TBCK: variants seen among roughly 807,000 people sequenced by gnomAD.
TBCK encodes the protein TBC1 domain containing kinase, also known as TBC domain-containing protein kinase-like protein.
A neutral mutation model predicts 113.4 loss-of-function variants in TBCK; 99 were observed. The observed-to-expected ratio is 0.87, with a 90% CI of 0.74 to 1.03. TBCK has a LOEUF of 1.03. TBCK is among the 50% of genes least tolerant of loss of function. The pLI is 0.00. For missense variants in TBCK, 1,045 were observed against 1,061.3 expected (o/e 0.98, Z 0.21); for synonymous variants, 369 against 370.8 (o/e 1.00, Z 0.05).
At chr4:106,134,899 C>T (rs1157256003) in intron 23 of TBCK, among the ~76,000 whole-genome samples, 1 of 152,168 alleles carries the variant, frequency 6.6e-6, no homozygotes, top group African/African-American at 2.4e-5. Context: ...GAGAATGATG[C>T]TGCTCTTCTA....
chr4:106,118,962 G>A (rs970828083), intron 23 of TBCK, among the ~76,000 whole-genome samples: 3 of 152,122 alleles, frequency 2.0e-5, no homozygotes, highest in South Asian at 2.1e-4. Flanking sequence ...AAGTTCTTCT[G>A]CAAATGAATT....
At chr4:106,187,146 T>C (rs199633371) in intron 22 of TBCK, among the ~76,000 whole-genome samples, 4 of 152,178 alleles carry the variant, frequency 2.6e-5, no homozygotes, top group Non-Finnish European at 4.4e-5. Flanking sequence ...TGTATCCTTG[T>C]AGTAGAGTTT....
At chr4:106,299,185 A>G (rs1316689641) in intron 2 of TBCK, among the ~76,000 whole-genome samples, 1 of 152,162 alleles carries the variant, frequency 6.6e-6, no homozygotes, top group Non-Finnish European at 1.5e-5. Context: ...CATGTAATAT[A>G]AAGATAACTG....
intron 23 of TBCK, among the ~76,000 whole-genome samples, chr4:106,148,000 T>C (rs887597501): frequency 6.6e-6 from 1 of 152,190 alleles, no homozygotes; most frequent in Non-Finnish European, 1.5e-5. Context: ...CCATCTTCTA[T>C]GGTCGAGGCT....
At chr4:106,106,512 T>A (rs1332921581) in intron 24 of TBCK, among the ~76,000 whole-genome samples, 1 of 152,098 alleles carries the variant, frequency 6.6e-6, no homozygotes, top group Non-Finnish European at 1.5e-5. Context: ...AGAAAAAAAA[T>A]CTTTAACCAA....
intron 23 of TBCK, among the ~76,000 whole-genome samples, chr4:106,130,589 TACACACACACACAC>T (rs70941237): frequency 9.3e-4 from 133 of 142,510 alleles, no homozygotes; most frequent in African/African-American, 2.7e-3. Flanking sequence ...TTGCGCTAAA[TACACACACACACAC>T]ACACACACAC....
rs893370590 is a variant in TBCK at position 106,197,536 on chromosome 4, C to CAACAA, written c.1861-2787_1861-2783dup. Among the ~76,000 whole-genome samples, 139 of 150,424 alleles carry CAACAA rather than the reference C, an allele frequency of 9.2e-4. 3 individuals are homozygous for CAACAA. The highest frequency in any genetic ancestry group is 2.9e-3 in the South Asian group (14 of 4,746). ...ATTTTTTCACTAACCAGAATGAAAA[C>CAACAA]AACAAAACAAAACAAAACAAAACAA... On this transcript the variant is annotated intron_variant, in intron 20 of 25. Coordinates refer to ENST00000394708, the MANE Select transcript of TBCK (RefSeq NM_001163435.3).
At chr4:106,215,324 C>G (rs1310241314) in intron 19 of TBCK, among the ~76,000 whole-genome samples, 2 of 151,494 alleles carry the variant, frequency 1.3e-5, no homozygotes, top group Non-Finnish European at 2.9e-5. Flanking sequence ...GCAAAATAAC[C>G]AGCTAACATC....
chr4:106,071,310 T>C (rs1283405631), intron 25 of TBCK, among the ~76,000 whole-genome samples: 1 of 152,224 alleles, frequency 6.6e-6, no homozygotes, highest in Admixed American at 6.5e-5. Flanking sequence ...TTTGTTCTCA[T>C]TGGTTTCAAA....
At chr4:106,292,157 T>C (rs937495788) in intron 3 of TBCK, among the ~76,000 whole-genome samples, 14 of 152,120 alleles carry the variant, frequency 9.2e-5, no homozygotes, top group Non-Finnish European at 1.8e-4. Context: ...TCAAAAAGGT[T>C]GCTTCTAAAT....
At chr4:106,090,226 C>T (rs908509877) in intron 25 of TBCK, among the ~76,000 whole-genome samples, 27 of 152,356 alleles carry the variant, frequency 1.8e-4, no homozygotes, top group East Asian at 1.7e-3. Flanking sequence ...CCAGGGATTA[C>T]GGCTTGCTCC....
chr4:106,095,893 A>G (rs1311325980), intron 24 of TBCK, among the ~76,000 whole-genome samples: 1 of 152,242 alleles, frequency 6.6e-6, no homozygotes, highest in African/African-American at 2.4e-5. Flanking sequence ...ATCTCTCATT[A>G]CATAAACACA....
intron 22 of TBCK, among the ~76,000 whole-genome samples, chr4:106,191,033 G>A (rs1312714155): frequency 2.6e-5 from 4 of 152,166 alleles, no homozygotes; most frequent in South Asian, 2.1e-4. Context: ...TGCATCCATG[G>A]ATTTAACCAA....
At chr4:106,210,616 G>A (rs1262578399) in intron 20 of TBCK, among the ~76,000 whole-genome samples, 1 of 151,940 alleles carries the variant, frequency 6.6e-6, no homozygotes, top group African/African-American at 2.4e-5. Context: ...TACCTTTCAC[G>A]TTATTATTTA....
intron 2 of TBCK, among the ~76,000 whole-genome samples, chr4:106,298,305 A>G (rs1766526253): frequency 6.6e-6 from 1 of 152,108 alleles, no homozygotes. Flanking sequence ...TCTCACCAGC[A>G]ATTAATATAT....
chr4:106,253,692 T>A (rs1761672203), intron 5 of TBCK, among the ~76,000 whole-genome samples: 1 of 152,234 alleles, frequency 6.6e-6, no homozygotes, highest in African/African-American at 2.4e-5. Context: ...TCCTTGAAAA[T>A]TAATGACATT....
At chr4:106,054,431 GAAT>G (rs913808662) in intron 25 of TBCK, among the ~76,000 whole-genome samples, 24 of 151,664 alleles carry the variant, frequency 1.6e-4, no homozygotes, top group African/African-American at 5.8e-4. Flanking sequence ...TTCCATCTCA[GAAT>G]AAGAGCTCCA....
At chr4:106,239,327 G>A (rs1415994518) in intron 12 of TBCK, among the ~76,000 whole-genome samples, 1 of 151,886 alleles carries the variant, frequency 6.6e-6, no homozygotes, top group Non-Finnish European at 1.5e-5. Context: ...AAAAAACTGG[G>A]ACTTAATGAT....
chr4:106,241,605 G>A (rs1272202025), intron 12 of TBCK, among the ~76,000 whole-genome samples: 11 of 151,516 alleles, frequency 7.3e-5, no homozygotes. Flanking sequence ...AGAAAAAGTT[G>A]GTATTATAGA....
Sources: allele counts gnomAD v4.1 joint callset (sites outside exome capture counted in the v4.1 genomes callset), GRCh38; gene constraint gnomAD v4.1.1; transcripts MANE v1.5; gene names NCBI Gene and HGNC (gene_info 2026-07-23, HGNC 2026-07-21).